The following CHDH variants were observed in gnomAD, a reference collection of about 807,000 sequenced individuals.
CHDH encodes the protein choline dehydrogenase, mitochondrial.
Under a neutral mutation model 56.9 loss-of-function variants are expected in CHDH, and 43 were observed. The ratio of observed to expected loss-of-function variants is 0.76; its 90% CI spans 0.59 to 0.97. The LOEUF is 0.97. Among genes scored for constraint, CHDH ranks in the 50% least tolerant of loss-of-function variants. The probability of loss-of-function intolerance (pLI) is 0.00; values close to 1 mark genes in which losing one functional copy is unlikely to be tolerated. For synonymous variants in CHDH, 364 were observed against 348.5 expected (o/e 1.04, Z -0.50); for missense variants, 816 against 821.1 (o/e 0.99, Z 0.08).
chr3:53,815,735 GAGA>G lies in CHDH; in HGVS notation c.*2039_*2041del, dbSNP rs1455394048. ...CCCTGCCATATCCATACCTGTTCCA[GAGA>G]AGAAGGGTCAGCACAGTCATGGTTG... is the stretch of plus-strand genomic sequence containing the variant. On this transcript the variant is annotated 3_prime_UTR_variant, in exon 9 of 9. Transcript: ENST00000315251. The G allele has an allele frequency of 2.6e-5, 4 of 152,226 alleles. No individual in the cohort carries two copies. Among genetic ancestry groups the G allele is most frequent in the East Asian group, 1.9e-4 (1 of 5,180 alleles). 9.4% of individuals were successfully genotyped at this position (152,226 alleles called of 1,614,324 possible).
chr3:53,826,578 G>A (rs543341179), intron 2 of CHDH, among the ~76,000 whole-genome samples: 2 of 152,268 alleles, frequency 1.3e-5, no homozygotes, highest in South Asian at 2.1e-4. Flanking sequence ...GAAACTCTCA[G>A]TAAACCAAGA....
At position 53,817,775 on chromosome 3, in the gene CHDH, T is replaced by C. The variant is rs1055835048; in HGVS notation, c.*2A>G. On this transcript the variant is annotated 3_prime_UTR_variant, in exon 9 of 9. Transcript: ENST00000315251. ...CCTGGTCATCCTCCAGCAGCAACTG[T>C]CTTAGCGCTGGGTGGCCAGCGTCCT... The C allele has an allele frequency of 2.5e-6, 4 of 1,592,210 alleles. No homozygotes were observed. Among genetic ancestry groups the C allele is most frequent in the Admixed American group, 1.7e-5 (1 of 58,766 alleles).
intron 1 of CHDH, among the ~76,000 whole-genome samples, chr3:53,845,589 ATGGTCCC>A (rs1559768564): frequency 6.6e-6 from 1 of 152,046 alleles, no homozygotes; most frequent in African/African-American, 2.4e-5. Context: ...GTCTCAAAGG[ATGGTCCC>A]TGGGCCACCC....
chr3:53,823,371 A>AGCGG lies in CHDH; in HGVS notation c.634_637dup (p.Leu213ProfsTer23). 6.2e-7 allele frequency: 1 copy of AGCGG among 1,605,164 alleles called. No individual in the cohort carries two copies. The highest frequency in any genetic ancestry group is 8.5e-7 in the Non-Finnish European group (1 of 1,175,222). On this transcript the variant is annotated frameshift_variant, in exon 3 of 9. Coordinates refer to ENST00000315251, the MANE Select transcript of CHDH (RefSeq NM_018397.5). LOFTEE classifies it high-confidence loss of function. Reference sequence around the variant, plus strand: ...CTGGAAGCCATTCATGTCCTCGGTGAGCGGGTAGCCGGCCTGCTGCGTGGC... The same window carrying AGCGG: ...CTGGAAGCCATTCATGTCCTCGGTGAGCGGGCGGGTAGCCGGCCTGCTGCGTGGC...
rs1299840105 is a variant in CHDH, at chr3:53,823,466, C to G, written c.543G>C (p.Arg181=). The G allele has an allele frequency of 6.4e-7, 1 of 1,553,994 alleles. No homozygotes were observed. The highest frequency in any genetic ancestry group is 8.7e-7 in the Non-Finnish European group (1 of 1,149,900). The part of the protein sequence containing the change: ...QGHELGASRY[R]GADGPLRVSR... ...ACACCCGCAGCGGGCCATCGGCGCCCCGGTACCGGCTGGCGCCCAGCTCGT... is the reference window on the plus strand; with the variant it reads ...ACACCCGCAGCGGGCCATCGGCGCCGCGGTACCGGCTGGCGCCCAGCTCGT... The change falls in exon 3 of 9, where the codon CGG becomes CGC. Residue 181 remains arginine, a synonymous_variant. Coordinates refer to ENST00000315251, the MANE Select transcript of CHDH (RefSeq NM_018397.5).
In CHDH at chr3:53,816,390, T is replaced by C. The variant is rs187834555; in HGVS notation, c.*1387A>G. ...TCAAATGTGAGTGACTGGATCACTTTATTGAATGGTAAGAAATTTAAAGAG... is the reference window on the plus strand; with the variant it reads ...TCAAATGTGAGTGACTGGATCACTTCATTGAATGGTAAGAAATTTAAAGAG... On this transcript the variant is annotated 3_prime_UTR_variant, in exon 9 of 9. Coordinates refer to ENST00000315251, the MANE Select transcript of CHDH (RefSeq NM_018397.5). The C allele has an allele frequency of 3.3e-5, 5 of 152,348 alleles. No individual in the cohort carries two copies. In the East Asian group the frequency reaches 9.6e-4, roughly 29 times the overall value. The allele number at this position is 152,348 out of a possible 1,614,324, so 9.4% of individuals were successfully genotyped here. A position where few individuals can be genotyped will look rare whatever the true frequency, so the allele number is the denominator to read the frequency against.
chr3:53,820,676 C>T lies in CHDH; in HGVS notation c.986-68G>A, dbSNP rs1026910948. The T allele has an allele frequency of 3.7e-5, 58 of 1,549,560 alleles. 1 individual carries two copies. The African/African-American group carries it at 4.4e-4, about 12-fold the overall frequency. On this transcript the variant is annotated intron_variant, in intron 5 of 8. Coordinates refer to ENST00000315251, the MANE Select transcript of CHDH (RefSeq NM_018397.5). ...GCTCAGCTGCTTCTCAATATCCCCC[C>T]GGTTTTGAAAAATTCTTTCCTATTC...
intron 2 of CHDH, among the ~76,000 whole-genome samples, chr3:53,836,586 G>A (rs944731130): frequency 1.3e-5 from 2 of 152,230 alleles, no homozygotes; most frequent in African/African-American, 4.8e-5. Flanking sequence ...GGCTAATAGT[G>A]AGATGAGCTG....
chr3:53,845,639 C>A (rs1698843016), intron 1 of CHDH, among the ~76,000 whole-genome samples: 1 of 152,214 alleles, frequency 6.6e-6, no homozygotes, highest in South Asian at 2.1e-4. Context: ...GGTGGAGGCT[C>A]GTTAAATGCA....
rs1049385142 is a variant in CHDH at position 53,820,674 on chromosome 3, C to G, written c.986-66G>C. On this transcript the variant is annotated intron_variant, in intron 5 of 8. Transcript: ENST00000315251. ...GGGCTCAGCTGCTTCTCAATATCCC[C>G]CCGGTTTTGAAAAATTCTTTCCTAT... 3.9e-6 allele frequency: 6 copies of G among 1,552,942 alleles called. No individual in the cohort carries two copies. In the African/African-American group the frequency reaches 8.2e-5, roughly 21 times the overall value.
intron 2 of CHDH, among the ~76,000 whole-genome samples, chr3:53,838,991 A>G (rs1262341750): frequency 6.6e-6 from 1 of 152,066 alleles, no homozygotes; most frequent in Non-Finnish European, 1.5e-5. Context: ...TGTCCCTGCT[A>G]CTAGTGCTGC....
chr3:53,820,339 CTG>C, intron 6 of CHDH, 133 bp downstream of exon 6: 1 of 1,073,312 alleles, frequency 9.3e-7, no homozygotes, highest in Admixed American at 2.7e-5. Context: ...GATGGAAAAA[CTG>C]AGGCTCAGGG....
intron 5 of CHDH, 61 bp downstream of exon 5, chr3:53,821,586 T>C (rs750609571): frequency 6.1e-6 from 9 of 1,476,340 alleles, no homozygotes; most frequent in African/African-American, 4.2e-5. Context: ...ATAAGATACA[T>C]ACACTAAGCC....
chr3:53,822,398 G>C, intron 4 of CHDH, 93 bp downstream of exon 4: 1 of 1,226,656 alleles, frequency 8.2e-7, no homozygotes, highest in Non-Finnish European at 1.2e-6. Flanking sequence ...CGTGGGTCTG[G>C]GGGTGAGGGC....
At chr3:53,818,443 G>GGGATCTGACTTATCT (rs2095619823) in intron 8 of CHDH, among the ~76,000 whole-genome samples, 2 of 152,158 alleles carry the variant, frequency 1.3e-5, no homozygotes, top group Non-Finnish European at 2.9e-5. Flanking sequence ...GTTTAAATCA[G>GGGATCTGACTTATCT]GGATCTGACT....
rs1467312338 is a variant in CHDH at position 53,823,576 on chromosome 3, C to T, written c.433G>A (p.Glu145Lys). ...TGGCGCTGCCAGCGCTCGTAGTCCT[C>T]GGCGTGCCCACGGACGTAGACCATG... ...NAMVYVRGHA[E>K]DYERWQRQGA... The change falls in exon 3 of 9, where the codon GAG becomes AAG. Residue 145 changes from glutamate to lysine, a missense_variant. Physicochemically the swap from Glu to Lys is moderately conservative, Grantham distance 56 (BLOSUM62 1). Coordinates refer to ENST00000315251, the MANE Select transcript of CHDH (RefSeq NM_018397.5). The T allele has an allele frequency of 4.5e-6, 7 of 1,543,380 alleles. No individual in the cohort carries two copies. Among genetic ancestry groups the T allele is most frequent in the East Asian group, 2.4e-5 (1 of 40,868 alleles).
chr3:53,824,138 G>A (rs1159669542), intron 2 of CHDH, 71 bp from the exon 3 acceptor site: 1 of 864,598 alleles, frequency 1.2e-6, no homozygotes, highest in Non-Finnish European at 1.7e-6. Flanking sequence ...ACGGCCTGCC[G>A]GGACAGGGTG....
rs541671180 is a variant in CHDH at position 53,825,982 on chromosome 3, C to A, written c.-59-1915G>T. ...AGTTTACTGAAATTGAAAAATTATACCCAGGGAATACATCTTTAAAAATAA... is the reference window on the plus strand; with the variant it reads ...AGTTTACTGAAATTGAAAAATTATAACCAGGGAATACATCTTTAAAAATAA... On this transcript the variant is annotated intron_variant, in intron 2 of 8. Transcript: ENST00000315251. 2.6e-5 allele frequency among the ~76,000 whole-genome samples: 4 copies of A among 151,778 alleles called. No homozygotes were observed. In the East Asian group the frequency reaches 5.8e-4, roughly 22 times the overall value.
rs149109968 is a variant in CHDH, at chr3:53,838,755, G to A, written c.-60+2174C>T. On this transcript the variant is annotated intron_variant, in intron 2 of 8. Transcript: ENST00000315251. Reference sequence around the variant, plus strand: ...GAGAGCTAGAAGCTCCCAGAGCCACGTACACAGCAGGCACTCAATAAACGC... The same window carrying A: ...GAGAGCTAGAAGCTCCCAGAGCCACATACACAGCAGGCACTCAATAAACGC... Among the ~76,000 whole-genome samples the A allele has an allele frequency of 2.5e-3, 385 of 152,236 alleles. 1 individual carries two copies. The highest frequency in any genetic ancestry group is 8.5e-3 in the African/African-American group (352 of 41,538).
Sources: gnomAD v4.1 joint callset for allele counts (sites outside exome capture counted in the v4.1 genomes callset) on GRCh38, gnomAD v4.1.1 for gene constraint, MANE v1.5 for transcripts, NCBI Gene and HGNC (gene_info 2026-07-23, HGNC 2026-07-21) for gene names.